IGSF9B: variants seen among roughly 807,000 people sequenced by gnomAD.
IGSF9B encodes the protein protein turtle homolog B.
Under a neutral mutation model 143.7 loss-of-function variants are expected in IGSF9B, and 48 were observed. The observed-to-expected ratio is 0.33, with a 90% CI of 0.26 to 0.42. The LOEUF (loss-of-function observed/expected upper bound fraction) is 0.42. Ranked by LOEUF, IGSF9B falls within the 20% of genes least tolerant of loss-of-function variation. The pLI, the probability that IGSF9B is intolerant of heterozygous loss-of-function variation, is 1.00. For synonymous variants in IGSF9B, 903 were observed against 833.1 expected (o/e 1.08, Z -1.44); for missense variants, 1,706 against 1,980.0 (o/e 0.86, Z 2.63).
chr11:133,940,290 G>A (rs1215982114), intron 3 of IGSF9B, among the ~76,000 whole-genome samples: 3 of 106,176 alleles, frequency 2.8e-5, no homozygotes, highest in Admixed American at 1.1e-4. Flanking sequence ...AACACACCTC[G>A]CACGTCCTCG....
chr11:133,912,140 G>A (rs1178114767), intron 18 of IGSF9B, 133 bp from the exon 19 acceptor site: 6 of 1,058,742 alleles, frequency 5.7e-6, no homozygotes, highest in Admixed American at 2.2e-5. Flanking sequence ...AGGTGCCCAC[G>A]ATGGCTCCAT....
Position 133,909,098 on chromosome 11 carries a change from CGTG to C in IGSF9B, c.4282_4284del (p.His1428del). ...AGCAAAGTGGCATGTCCTGGGTCATCGTGGTCCACACTGTTGAGAATCGCTGTC... is the reference window on the plus strand; with the variant it reads ...AGCAAAGTGGCATGTCCTGGGTCATCGTCCACACTGTTGAGAATCGCTGTC... On this transcript the variant is annotated inframe_deletion, in exon 20 of 20. Coordinates refer to ENST00000533871, the MANE Select transcript of IGSF9B (RefSeq NM_001277285.4). The surrounding 1 kb of genome is among the most constrained non-coding windows in gnomAD (Gnocchi z 4.2). 2 of 1,535,880 alleles carry C rather than the reference CGTG, an allele frequency of 1.3e-6. No individual in the cohort carries two copies. The highest frequency in any genetic ancestry group is 1.7e-6 in the Non-Finnish European group (2 of 1,146,726).
Position 133,946,255 on chromosome 11 carries a change from G to A in IGSF9B, c.68C>T (p.Ala23Val). The change falls in exon 2 of 20, where the codon GCC becomes GTC. Residue 23 changes from alanine to valine, a missense_variant. This residue lies in a region of IGSF9B where 171 missense variants were observed against 213.9 expected (regional missense o/e 0.80). Coordinates refer to ENST00000533871, the MANE Select transcript of IGSF9B (RefSeq NM_001277285.4). ...IGTRGLAAEG[A>V]HGLREEPEFV... The stretch of plus-strand genomic sequence containing the variant: ...CTCGGGCTCCTCTCGCAGGCCGTGG[G>A]CGCCTGATGGGGACGGCCAGGTTGG... 6.2e-7 allele frequency: 1 copy of A among 1,613,020 alleles called. No individual in the cohort carries two copies. Among genetic ancestry groups the A allele is most frequent in the Non-Finnish European group, 8.5e-7 (1 of 1,179,620 alleles).
chr11:133,918,567 GCCCCGCACC>G (rs908487046), intron 18 of IGSF9B, among the ~76,000 whole-genome samples: 2 of 152,142 alleles, frequency 1.3e-5, no homozygotes, highest in Middle Eastern at 3.2e-3. Context: ...TGCGCCCTAA[GCCCCGCACC>G]CCCTTCCTCG....
At chr11:133,923,889 G>A (rs1002286675) in intron 15 of IGSF9B, among the ~76,000 whole-genome samples, 1 of 152,222 alleles carries the variant, frequency 6.6e-6, no homozygotes, top group Admixed American at 6.5e-5. Flanking sequence ...TCTCATCCCT[G>A]TTCCTCCAAC....
At chr11:133,922,824 G>T (rs926753096) in intron 15 of IGSF9B, 94 bp from the exon 16 acceptor site, 2 of 1,233,122 alleles carry the variant, frequency 1.6e-6, no homozygotes, top group African/African-American at 1.5e-5. Context: ...CCCTGCCTTT[G>T]TAGAACAGAC....
In IGSF9B at chr11:133,935,624, G is replaced by A. The variant is rs779860830; in HGVS notation, c.960C>T (p.Thr320=). Residue 320 remains threonine, a synonymous_variant, in exon 7 of 20, where the codon ACC becomes ACT. Coordinates refer to ENST00000533871, the MANE Select transcript of IGSF9B (RefSeq NM_001277285.4). ...GRSPSASAYL[T]VQYPARVLNM... ...CCCTGCACCCCTACTCACACTGCAC[G>A]GTCAGGTACGCCGAGGCGGAGGGGG... 32 of 1,610,048 alleles carry A rather than the reference G, an allele frequency of 2.0e-5. No homozygotes were observed. The highest frequency in any genetic ancestry group is 4.4e-5 in the South Asian group (4 of 90,030).
intron 2 of IGSF9B, 107 bp from the exon 3 acceptor site, chr11:133,944,473 C>T (rs1208002225): frequency 8.4e-7 from 1 of 1,188,700 alleles, no homozygotes; most frequent in Non-Finnish European, 1.2e-6. Context: ...ATCTTCATAC[C>T]ATTCCCTATG....
chr11:133,939,375 G>A (rs771452876), intron 3 of IGSF9B, among the ~76,000 whole-genome samples: 1 of 152,196 alleles, frequency 6.6e-6, no homozygotes, highest in African/African-American at 2.4e-5. Flanking sequence ...GTCTCTCTCT[G>A]TGTGTTTACC....
In IGSF9B at chr11:133,956,896, GCT is replaced by G; in HGVS notation, c.-144_-143del. 2.3e-6 allele frequency: 1 copy of G among 433,042 alleles called. No homozygotes were observed. The highest frequency in any genetic ancestry group is 3.8e-5 in the East Asian group (1 of 26,492). 26.8% of individuals were successfully genotyped at this position (433,042 alleles called of 1,614,324 possible). On this transcript the variant is annotated 5_prime_UTR_variant, in exon 1 of 20. An upstream open reading frame in the 5' UTR loses its in-frame stop. Coordinates refer to ENST00000533871, the MANE Select transcript of IGSF9B (RefSeq NM_001277285.4). ...GGTGCTCCTGCAGCCCGGGTGGCCA[GCT>G]CTCCATCCCTCCTAGGCTCCGCTCG...
intron 1 of IGSF9B, among the ~76,000 whole-genome samples, chr11:133,950,417 A>G (rs1423620770): frequency 6.6e-6 from 1 of 152,164 alleles, no homozygotes; most frequent in African/African-American, 2.4e-5. Context: ...TGACACACGC[A>G]CCGCTGTCTC....
intron 19 of IGSF9B, among the ~76,000 whole-genome samples, chr11:133,910,518 C>T (rs1939285505): frequency 6.6e-6 from 1 of 152,240 alleles, no homozygotes; most frequent in Admixed American, 6.5e-5. Flanking sequence ...AGGGGCCTGA[C>T]ACCCCAGTGG....
chr11:133,931,216 G>T lies in IGSF9B; in HGVS notation c.1369-82C>A. On this transcript the variant is annotated intron_variant, in intron 10 of 19. Coordinates refer to ENST00000533871, the MANE Select transcript of IGSF9B (RefSeq NM_001277285.4). The surrounding 1 kb of genome is among the most constrained non-coding windows in gnomAD (Gnocchi z 7.7). ...AGCCCGAAGCAGATGGGGAGGACGC[G>T]CCTGAGACCCCGGCCCGCCCACGCT... 7.0e-7 allele frequency: 1 copy of T among 1,420,546 alleles called. No individual in the cohort carries two copies. 88.0% of individuals were successfully genotyped at this position (1,420,546 alleles called of 1,614,324 possible). A position where few individuals can be genotyped will look rare whatever the true frequency, so the allele number is the denominator to read the frequency against.
chr11:133,946,362 G>A, intron 1 of IGSF9B, 104 bp from the exon 2 acceptor site: 3 of 962,272 alleles, frequency 3.1e-6, no homozygotes, highest in Non-Finnish European at 4.7e-6. Flanking sequence ...CCCACCAGCT[G>A]CCCTCCATGG....
rs1491149481 is a variant in IGSF9B at position 133,901,948 on chromosome 11, TCA to T, written c.*7119_*7120del. Among the ~76,000 whole-genome samples the T allele has an allele frequency of 1.6e-5, 1 of 64,198 alleles. No homozygotes were observed. The highest frequency in any genetic ancestry group is 6.1e-5 in the African/African-American group (1 of 16,348). The allele number at this position is 64,198 out of a possible 152,430, so 42.1% of individuals were successfully genotyped here. On this transcript the variant is annotated 3_prime_UTR_variant, in exon 20 of 20. Transcript: ENST00000533871. ...CCAAACCACACAACACACACACACA[TCA>T]CACACATGCACACCGCATCACACAC...
Position 133,920,685 on chromosome 11 carries a change from C to T in IGSF9B, c.3040G>A (p.Glu1014Lys), listed in dbSNP as rs758391200. The T allele has an allele frequency of 6.2e-6, 10 of 1,613,270 alleles. No homozygotes were observed. The highest frequency in any genetic ancestry group is 4.5e-5 in the East Asian group (2 of 44,874). The change falls in exon 18 of 20, where the codon GAG becomes AAG. Residue 1014 changes from glutamate to lysine, a missense_variant. Coordinates refer to ENST00000533871, the MANE Select transcript of IGSF9B (RefSeq NM_001277285.4). Reference sequence around the variant, plus strand: ...TTGGATGCATTCTCTCCATTCTCCTCGGGGATGGTGGGGTGGCCAAAGGGC... The same window carrying T: ...TTGGATGCATTCTCTCCATTCTCCTTGGGGATGGTGGGGTGGCCAAAGGGC... The part of the protein sequence containing the change: ...EGPFGHPTIP[E>K]ENGENASNST...
rs764681033 is a variant in IGSF9B, at chr11:133,922,704, C to T, written c.2146G>A (p.Glu716Lys). 3 of 1,578,898 alleles carry T rather than the reference C, an allele frequency of 1.9e-6. No individual in the cohort carries two copies. The highest frequency in any genetic ancestry group is 1.8e-5 in the Admixed American group (1 of 55,426). Residue 716 changes from glutamate (E) to lysine (K), a missense_variant, in exon 16 of 20, where the codon GAG becomes AAG. Physicochemically the swap from Glu to Lys is moderately conservative, Grantham distance 56 (BLOSUM62 1). Transcript: ENST00000533871. ...TDIFPQPDLT[E>K]DGLARPVLAG... Reference sequence around the variant, plus strand: ...AGCACAGGCCGCGCCAGCCCATCCTCGGTCAGGTCCGGCTGCGGGAAGATG... The same window carrying T: ...AGCACAGGCCGCGCCAGCCCATCCTTGGTCAGGTCCGGCTGCGGGAAGATG...
chr11:133,935,789 T>C (rs777097699), intron 6 of IGSF9B, 27 bp from the exon 7 acceptor site: 11 of 1,604,618 alleles, frequency 6.9e-6, no homozygotes, highest in East Asian at 6.7e-5. Context: ...GGACAGGGGG[T>C]TGGGCGAGCA....
In IGSF9B at chr11:133,944,250, T is replaced by C; in HGVS notation, c.379A>G (p.Asn127Asp). The change falls in exon 3 of 20, where the codon AAT becomes GAT. Residue 127 changes from asparagine to aspartate, a missense_variant. This residue lies in a region of IGSF9B where 171 missense variants were observed against 213.9 expected (regional missense o/e 0.80). Coordinates refer to ENST00000533871, the MANE Select transcript of IGSF9B (RefSeq NM_001277285.4). ...MLDQQYDTFH[N>D]GSWVHLTINA... is the part of the protein sequence containing the mutation. ...ATGGTGAGGTGGACCCAGCTGCCAT[T>C]GTGGAAGGTGTCATACTGCTGGTCC... 1 of 1,612,066 alleles carries C rather than the reference T, an allele frequency of 6.2e-7. No homozygotes were observed. Among genetic ancestry groups the C allele is most frequent in the Non-Finnish European group, 8.5e-7 (1 of 1,178,796 alleles).
Sources: gnomAD v4.1 joint callset for allele counts (sites outside exome capture counted in the v4.1 genomes callset) on GRCh38, gnomAD v4.1.1 for gene constraint, gnomAD v4.1.1 regional missense constraint, Gnocchi (gnomAD v3.1) non-coding constraint, MANE v1.5 for transcripts, NCBI Gene and HGNC (gene_info 2026-07-23, HGNC 2026-07-21) for gene names.